Variants in KLHL29 observed in about 807,000 individuals in gnomAD.
The protein encoded by KLHL29 is kelch-like protein 29.
KLHL29 carries 21 observed loss-of-function variants against 80.4 expected under a neutral mutation model. The ratio of observed to expected loss-of-function variants is 0.26; its 90% CI spans 0.19 to 0.38. The LOEUF (loss-of-function observed/expected upper bound fraction) is 0.38. Among genes scored for constraint, KLHL29 ranks in the 10% least tolerant of loss-of-function variants. KLHL29 has a pLI of 1.00. For missense variants in KLHL29, 867 were observed against 1,223.9 expected, an observed-to-expected ratio of 0.71 and a Z score of 4.35; for synonymous variants, 511 against 526.8, an observed-to-expected ratio of 0.97 and a Z score of 0.41.
intron 1 of KLHL29, among the ~76,000 whole-genome samples, chr2:23,475,329 G>A (rs1248678684): frequency 6.6e-6 from 1 of 152,006 alleles, no homozygotes; most frequent in Non-Finnish European, 1.5e-5. Flanking sequence ...TACCCACTTC[G>A]CCCCACTTTG....
chr2:23,619,249 G>A, intron 3 of KLHL29, among the ~76,000 whole-genome samples: 1 of 152,232 alleles, frequency 6.6e-6, no homozygotes, highest in East Asian at 1.9e-4. Context: ...GTGAGGCTCT[G>A]AGCTAAATAT....
intron 5 of KLHL29, among the ~76,000 whole-genome samples, chr2:23,655,840 C>T (rs980301025): frequency 4.6e-5 from 7 of 151,916 alleles, no homozygotes; most frequent in African/African-American, 1.5e-4. Flanking sequence ...AGAGTGAGTG[C>T]AGTCAGTGAG....
chr2:23,496,567 C>G (rs1275665051), intron 2 of KLHL29, among the ~76,000 whole-genome samples: 1 of 152,174 alleles, frequency 6.6e-6, no homozygotes, highest in East Asian at 1.9e-4. Context: ...AGCACCCCCT[C>G]TAACCTTCAG....
chr2:23,486,408 C>T (rs145001637), intron 2 of KLHL29, among the ~76,000 whole-genome samples: 173 of 151,828 alleles, frequency 1.1e-3, no homozygotes, highest in Non-Finnish European at 1.9e-3. Flanking sequence ...GAAGCATGTC[C>T]GTGCCCCTCT....
chr2:23,514,425 C>T (rs945639660), intron 2 of KLHL29, among the ~76,000 whole-genome samples: 13 of 152,132 alleles, frequency 8.5e-5, no homozygotes, highest in Admixed American at 7.2e-4. Flanking sequence ...AGACGCCGGC[C>T]CCACAGGAGG....
intron 3 of KLHL29, among the ~76,000 whole-genome samples, chr2:23,588,161 G>T (rs1393525103): frequency 6.6e-6 from 1 of 152,056 alleles, no homozygotes; most frequent in African/African-American, 2.4e-5. Flanking sequence ...ACACCCCTGG[G>T]GTGGTGCCAG....
At chr2:23,666,012 G>T (rs1255031681) in intron 5 of KLHL29, among the ~76,000 whole-genome samples, 1 of 152,226 alleles carries the variant, frequency 6.6e-6, no homozygotes, top group Non-Finnish European at 1.5e-5. Flanking sequence ...ACCTTGGTGG[G>T]ACAGGCCCAC....
At chr2:23,548,847 C>T (rs376754179) in intron 2 of KLHL29, among the ~76,000 whole-genome samples, 26 of 152,146 alleles carry the variant, frequency 1.7e-4, no homozygotes, top group Non-Finnish European at 1.3e-4. Context: ...TTGAGTCTTC[C>T]GGGGGCTATG....
At chr2:23,495,815 G>A (rs886145185) in intron 2 of KLHL29, among the ~76,000 whole-genome samples, 9 of 152,228 alleles carry the variant, frequency 5.9e-5, no homozygotes, top group East Asian at 1.9e-4. Context: ...ACTGTAGCAC[G>A]CGCATGTGTT....
At chr2:23,692,916 G>A (rs1307685800) in intron 7 of KLHL29, among the ~76,000 whole-genome samples, 1 of 152,204 alleles carries the variant, frequency 6.6e-6, no homozygotes, top group Non-Finnish European at 1.5e-5. Context: ...GTAAGCCTCA[G>A]TGCCACCCTC....
At chr2:23,705,767 AAG>A (rs1572543116) in intron 13 of KLHL29, among the ~76,000 whole-genome samples, 4 of 152,040 alleles carry the variant, frequency 2.6e-5, no homozygotes, top group African/African-American at 9.6e-5. Flanking sequence ...GCTGAAATGA[AAG>A]AGTGTCAGGG....
chr2:23,425,824 GCACTGGAA>G (rs1662990938), intron 1 of KLHL29, among the ~76,000 whole-genome samples: 2 of 152,330 alleles, frequency 1.3e-5, no homozygotes, highest in Admixed American at 1.3e-4. Flanking sequence ...CCATTTGTGA[GCACTGGAA>G]GGACCACAGG....
intron 3 of KLHL29, among the ~76,000 whole-genome samples, chr2:23,631,538 AG>A (rs34633846): frequency 5.9e-5 from 9 of 151,960 alleles, no homozygotes; most frequent in African/African-American, 2.2e-4. Flanking sequence ...AGGGCTCTGA[AG>A]GGGAGGCTGA....
In KLHL29 at chr2:23,682,692, ACCCTCCCGCG is replaced by A. The variant is rs1019823908; in HGVS notation, c.941-1699_941-1690del. ...CCTGCACCCTCCCACACCCTCCCGC[ACCCTCCCGCG>A]CCCTCCCACTGGTGCTCTGAGCCTG... On this transcript the variant is annotated intron_variant, in intron 5 of 13. Coordinates refer to ENST00000486442, the MANE Select transcript of KLHL29 (RefSeq NM_052920.2). The surrounding 1 kb of genome is among the most constrained non-coding windows in gnomAD (Gnocchi z 4.1). Among the ~76,000 whole-genome samples, 2 of 141,054 alleles carry A rather than the reference ACCCTCCCGCG, an allele frequency of 1.4e-5. No homozygotes were observed. The highest frequency in any genetic ancestry group is 2.7e-5 in the African/African-American group (1 of 37,242). The allele number at this position is 141,054 out of a possible 152,430, so 92.5% of individuals were successfully genotyped here.
chr2:23,454,102 A>G (rs373186178), intron 1 of KLHL29, among the ~76,000 whole-genome samples: 3 of 152,206 alleles, frequency 2.0e-5, no homozygotes, highest in African/African-American at 7.2e-5. Context: ...GCTGATGGCT[A>G]CTTTTTTCAT....
intron 3 of KLHL29, among the ~76,000 whole-genome samples, chr2:23,608,224 C>T (rs1007849180): frequency 2.0e-5 from 3 of 152,182 alleles, no homozygotes; most frequent in African/African-American, 7.2e-5. Context: ...GAGAGTAAAA[C>T]TTTGTCTGTA....
chr2:23,615,141 G>A (rs1318827053), intron 3 of KLHL29, among the ~76,000 whole-genome samples: 1 of 152,192 alleles, frequency 6.6e-6, no homozygotes, highest in Non-Finnish European at 1.5e-5. Flanking sequence ...TGGGGAGCAC[G>A]CACTGTGGGT....
At chr2:23,691,609 C>T in intron 6 of KLHL29, 65 bp from the exon 7 acceptor site, 3 of 1,386,050 alleles carry the variant, frequency 2.2e-6, no homozygotes, top group East Asian at 5.0e-5. Flanking sequence ...GAGATCTAGC[C>T]CTGTGAGGAA....
At chr2:23,590,558 C>G (rs373638325) in intron 3 of KLHL29, among the ~76,000 whole-genome samples, 1 of 152,158 alleles carries the variant, frequency 6.6e-6, no homozygotes, top group Non-Finnish European at 1.5e-5. Flanking sequence ...GACGCCATGC[C>G]GAGGCCCTGG....
Sources: allele counts gnomAD v4.1 joint callset (sites outside exome capture counted in the v4.1 genomes callset), GRCh38; gene constraint gnomAD v4.1.1; non-coding constraint Gnocchi (gnomAD v3.1); transcripts MANE v1.5; gene names NCBI Gene and HGNC (gene_info 2026-07-23, HGNC 2026-07-21).